The following WWOX variants were observed in gnomAD, a reference collection of about 807,000 sequenced individuals.
The protein encoded by WWOX is WW domain-containing oxidoreductase.
Under a neutral mutation model 46.2 loss-of-function variants are expected in WWOX, and 69 were observed. The ratio of observed to expected loss-of-function variants is 1.49; its 90% confidence interval spans 1.23 to 1.82. The LOEUF (loss-of-function observed/expected upper bound fraction) is 1.82, where lower values mean the gene tolerates loss of function less well. Ranked by LOEUF, WWOX falls within the 40% of genes most tolerant of loss-of-function variation. The probability of loss-of-function intolerance (pLI) is 0.00; values close to 1 mark genes in which losing one functional copy is unlikely to be tolerated. For missense variants in WWOX, 919 were observed against 542.6 expected, an observed-to-expected ratio of 1.69 and a Z score of -6.89; for synonymous variants, 359 against 202.6, an observed-to-expected ratio of 1.77 and a Z score of -6.56.
intron 8 of WWOX, among the ~76,000 whole-genome samples, chr16:79,047,763 A>T (rs1017545388): frequency 2.9e-5 from 4 of 136,566 alleles, no homozygotes; most frequent in Non-Finnish European, 6.0e-5. Context: ...GCTGTATTCC[A>T]GGTACTTGGT....
At chr16:79,102,157 T>G (rs1030882402) in intron 8 of WWOX, among the ~76,000 whole-genome samples, 2 of 151,876 alleles carry the variant, frequency 1.3e-5, no homozygotes, top group Non-Finnish European at 2.9e-5. Flanking sequence ...TTATAGTTTT[T>G]GAGGAATCAG....
intron 8 of WWOX, among the ~76,000 whole-genome samples, chr16:78,945,277 A>G (rs188204462): frequency 2.6e-5 from 4 of 152,360 alleles, no homozygotes; most frequent in East Asian, 3.9e-4. Context: ...TTCAGTTTCC[A>G]TGGAATATCA....
intron 8 of WWOX, among the ~76,000 whole-genome samples, chr16:78,480,272 AG>A (rs2084455414): frequency 6.6e-6 from 1 of 152,242 alleles, no homozygotes; most frequent in Admixed American, 6.5e-5. Context: ...CTACCATAGT[AG>A]AATGCTCTTT....
At chr16:78,668,379 T>C (rs538985313) in intron 8 of WWOX, among the ~76,000 whole-genome samples, 28 of 152,202 alleles carry the variant, frequency 1.8e-4, no homozygotes, top group Non-Finnish European at 3.2e-4. Flanking sequence ...CGTAAGTACT[T>C]TGAGGGCAAG....
intron 8 of WWOX, among the ~76,000 whole-genome samples, chr16:78,812,932 G>C (rs188908496): frequency 8.7e-4 from 132 of 152,212 alleles, no homozygotes; most frequent in Non-Finnish European, 1.6e-3. Flanking sequence ...TGGTGAATTT[G>C]TCTTAAAATG....
intron 5 of WWOX, among the ~76,000 whole-genome samples, chr16:78,373,626 A>G (rs1033467431): frequency 3.6e-4 from 54 of 148,488 alleles, no homozygotes; most frequent in Non-Finnish European, 6.5e-4. Flanking sequence ...TTTAAACAGC[A>G]TAGAACTATT....
At chr16:78,280,815 C>G (rs1018715513) in intron 5 of WWOX, 5 of 152,194 alleles carry the variant, frequency 3.3e-5, no homozygotes, top group African/African-American at 1.2e-4. Flanking sequence ...AATATAAAAA[C>G]AGTTCTTGGA....
intron 8 of WWOX, among the ~76,000 whole-genome samples, chr16:78,539,293 G>T (rs900355222): frequency 6.6e-6 from 1 of 152,226 alleles, no homozygotes; most frequent in African/African-American, 2.4e-5. Context: ...TGTCCTACTG[G>T]TAAAGGAGTC....
chr16:78,207,543 A>C (rs1032412531), intron 5 of WWOX, among the ~76,000 whole-genome samples: 3 of 150,092 alleles, frequency 2.0e-5, no homozygotes, highest in Non-Finnish European at 4.4e-5. Flanking sequence ...GGATTAAAGT[A>C]GCTTCTCATT....
intron 8 of WWOX, among the ~76,000 whole-genome samples, chr16:78,516,574 C>A (rs917211795): frequency 6.6e-6 from 1 of 152,160 alleles, no homozygotes; most frequent in Non-Finnish European, 1.5e-5. Flanking sequence ...ATCATGCATA[C>A]TTGGCCTGTT....
intron 8 of WWOX, among the ~76,000 whole-genome samples, chr16:78,623,695 C>T (rs1343865419): frequency 1.3e-5 from 2 of 149,406 alleles, no homozygotes; most frequent in African/African-American, 2.5e-5. Context: ...AGTCATGTCA[C>T]TGCACCTCCA....
At chr16:78,958,511 T>C (rs1008514845) in intron 8 of WWOX, among the ~76,000 whole-genome samples, 2 of 152,232 alleles carry the variant, frequency 1.3e-5, no homozygotes, top group African/African-American at 2.4e-5. Context: ...CTACAATCCA[T>C]AGCAGGTAGT....
chr16:78,956,757 G>T (rs1042145527), intron 8 of WWOX, among the ~76,000 whole-genome samples: 13 of 152,102 alleles, frequency 8.5e-5, no homozygotes, highest in African/African-American at 3.1e-4. Context: ...AGAAATTTGG[G>T]ATCTGCTGAG....
chr16:78,950,727 G>T (rs1385009298), intron 8 of WWOX, among the ~76,000 whole-genome samples: 1 of 152,150 alleles, frequency 6.6e-6, no homozygotes, highest in Non-Finnish European at 1.5e-5. Context: ...GACACTCACG[G>T]TGATAAAATT....
intron 8 of WWOX, among the ~76,000 whole-genome samples, chr16:78,931,780 A>G (rs2045629067): frequency 6.6e-6 from 1 of 152,302 alleles, no homozygotes; most frequent in Non-Finnish European, 1.5e-5. Context: ...CCCACTTGAT[A>G]TGGTTTAGCT....
chr16:78,966,656 G>T (rs2046368067), intron 8 of WWOX, among the ~76,000 whole-genome samples: 1 of 152,076 alleles, frequency 6.6e-6, no homozygotes, highest in Non-Finnish European at 1.5e-5. Flanking sequence ...TATTTCTTAA[G>T]ATTACATTTT....
intron 8 of WWOX, among the ~76,000 whole-genome samples, chr16:79,209,588 C>A (rs1437807405): frequency 2.6e-5 from 4 of 152,114 alleles, no homozygotes; most frequent in Admixed American, 2.6e-4. Context: ...GTCACTTGGC[C>A]ACTCTGGTCG....
intron 8 of WWOX, among the ~76,000 whole-genome samples, chr16:78,796,827 CTTTTT>C (rs530486192): frequency 7.5e-6 from 1 of 133,134 alleles, no homozygotes. Context: ...TTATCTTCTT[CTTTTT>C]TTTTTTTTTT....
intron 5 of WWOX, among the ~76,000 whole-genome samples, chr16:78,371,765 T>C (rs1173347827): frequency 6.6e-6 from 1 of 152,114 alleles, no homozygotes; most frequent in African/African-American, 2.4e-5. Context: ...CTATTCTGCT[T>C]TCAAAATGTT....
Sources: gnomAD v4.1 joint callset for allele counts (sites outside exome capture counted in the v4.1 genomes callset) on GRCh38, gnomAD v4.1.1 for gene constraint, MANE v1.5 for transcripts, NCBI Gene and HGNC (gene_info 2026-07-23, HGNC 2026-07-21) for gene names.